TTC33: variants seen among roughly 807,000 people sequenced by gnomAD.
TTC33 encodes the protein tetratricopeptide repeat domain 33.
A neutral mutation model predicts 29.4 loss-of-function variants in TTC33; 24 were observed. The ratio of observed to expected loss-of-function variants is 0.82; its 90% CI spans 0.59 to 1.15. The LOEUF (loss-of-function observed/expected upper bound fraction) is 1.15, where lower values mean the gene tolerates loss of function less well. Ranked by LOEUF, TTC33 falls within the 50% of genes most tolerant of loss-of-function variation. TTC33 has a pLI of 0.00. For synonymous variants in TTC33, 107 were observed against 100.3 expected (o/e 1.07, Z -0.40); for missense variants, 286 against 310.4 (o/e 0.92, Z 0.59).
At position 40,727,672 on chromosome 5, in the gene TTC33, C is replaced by T. The variant is rs116037389; in HGVS notation, c.435+673G>A. Reference sequence around the variant, plus strand: ...TAATCTATCAGCGGTTTTGTCTCCACAGTGATACTAATACCACTTTATAAT... The same window carrying T: ...TAATCTATCAGCGGTTTTGTCTCCATAGTGATACTAATACCACTTTATAAT... On this transcript the variant is annotated intron_variant, in intron 4 of 4. Transcript: ENST00000337702. Among the ~76,000 whole-genome samples, 474 of 152,300 alleles carry T rather than the reference C, an allele frequency of 3.1e-3. 5 individuals are homozygous for T. Among genetic ancestry groups the T allele is most frequent in the African/African-American group, 0.011 (448 of 41,558 alleles).
At chr5:40,730,223 CA>C (rs765624558) in intron 3 of TTC33, 38 bp downstream of exon 3, 1 of 1,507,016 alleles carries the variant, frequency 6.6e-7, no homozygotes, top group Non-Finnish European at 9.2e-7. Flanking sequence ...AAACATAGCA[CA>C]ATTTCATAAG....
intron 4 of TTC33, among the ~76,000 whole-genome samples, chr5:40,724,476 T>C (rs1464729596): frequency 2.0e-5 from 3 of 151,562 alleles, no homozygotes; most frequent in African/African-American, 4.9e-5. Context: ...CTACTAAAAT[T>C]ACAAAAATTA....
intron 1 of TTC33, among the ~76,000 whole-genome samples, chr5:40,748,713 G>C (rs1418674119): frequency 2.6e-5 from 4 of 152,210 alleles, no homozygotes; most frequent in African/African-American, 9.7e-5. Context: ...GAAGTTGAAT[G>C]ATGAGTACAT....
chr5:40,729,651 A>T (rs1336883797), intron 3 of TTC33, among the ~76,000 whole-genome samples: 1 of 152,188 alleles, frequency 6.6e-6, no homozygotes, highest in Non-Finnish European at 1.5e-5. Context: ...AGGAAAGCGT[A>T]TGTTTTTCAT....
chr5:40,719,255 T>A lies in TTC33; in HGVS notation c.436-2757A>T, dbSNP rs963618033. ...AACCCCAGCTCTAGGCAAGCATTAATTTACTTGCTATTGCTATATATCTGT... is the reference window on the plus strand; with the variant it reads ...AACCCCAGCTCTAGGCAAGCATTAAATTACTTGCTATTGCTATATATCTGT... On this transcript the variant is annotated intron_variant, in intron 4 of 4. Transcript: ENST00000337702. Among the ~76,000 whole-genome samples, 3 of 152,204 alleles carry A rather than the reference T, an allele frequency of 2.0e-5. No individual in the cohort carries two copies. The South Asian group carries it at 6.2e-4, about 31-fold the overall frequency.
In TTC33 at chr5:40,716,294, C is replaced by G. The variant is rs1741996871; in HGVS notation, c.640G>C (p.Val214Leu). Reference sequence around the variant, plus strand: ...TCTTTCTCAGCAATAGCTGCACAAACAGCAACAATCTCATCACTTTCAAAG... The same window carrying G: ...TCTTTCTCAGCAATAGCTGCACAAAGAGCAACAATCTCATCACTTTCAAAG... ...YDFESDEIVA[V>L]CAAIAEKEKT... Residue 214 changes from valine (V) to leucine (L), a missense_variant, in exon 5 of 5, where the codon GTT becomes CTT. Physicochemically the swap from Val to Leu is conservative, Grantham distance 32. Coordinates refer to ENST00000337702, the MANE Select transcript of TTC33 (RefSeq NM_012382.3). 6.2e-7 allele frequency: 1 copy of G among 1,614,196 alleles called. No individual in the cohort carries two copies. The highest frequency in any genetic ancestry group is 8.5e-7 in the Non-Finnish European group (1 of 1,180,038).
At chr5:40,729,119 G>A (rs1470193231) in intron 3 of TTC33, among the ~76,000 whole-genome samples, 1 of 152,092 alleles carries the variant, frequency 6.6e-6, no homozygotes, top group African/African-American at 2.4e-5. Context: ...TTATTATCAG[G>A]TTCCAAATTA....
chr5:40,740,401 T>C lies in TTC33; in HGVS notation c.221+6397A>G, dbSNP rs548333672. Among the ~76,000 whole-genome samples, 9 of 152,178 alleles carry C rather than the reference T, an allele frequency of 5.9e-5. No homozygotes were observed. In the South Asian group the frequency reaches 8.3e-4, roughly 14 times the overall value. On this transcript the variant is annotated intron_variant, in intron 2 of 4. Coordinates refer to ENST00000337702, the MANE Select transcript of TTC33 (RefSeq NM_012382.3). ...TTATTTTGCCTTCATTTCTGAAAGA[T>C]ATTTTTATAATACAAAGAATTCTAA...
At chr5:40,725,067 A>C (rs968020773) in intron 4 of TTC33, among the ~76,000 whole-genome samples, 16 of 151,790 alleles carry the variant, frequency 1.1e-4, no homozygotes, top group African/African-American at 3.4e-4. Flanking sequence ...GGCTGGTCTC[A>C]AAACTCCTGA....
intron 4 of TTC33, among the ~76,000 whole-genome samples, chr5:40,724,229 T>C (rs1246960526): frequency 1.3e-5 from 2 of 152,200 alleles, no homozygotes; most frequent in Non-Finnish European, 2.9e-5. Context: ...ACAACATGGA[T>C]GGGACTTTGA....
chr5:40,754,452 TA>T (rs1742949363), intron 1 of TTC33, among the ~76,000 whole-genome samples: 1 of 151,886 alleles, frequency 6.6e-6, no homozygotes. Context: ...CTGCTCAAAG[TA>T]AAAGGAAAAT....
chr5:40,719,832 A>G (rs770919938), intron 4 of TTC33, among the ~76,000 whole-genome samples: 7 of 152,304 alleles, frequency 4.6e-5, no homozygotes, highest in Non-Finnish European at 8.8e-5. Context: ...CTGTGTGTGT[A>G]TCTTCTTTGG....
At chr5:40,724,328 AT>A (rs1317435624) in intron 4 of TTC33, among the ~76,000 whole-genome samples, 3 of 152,152 alleles carry the variant, frequency 2.0e-5, no homozygotes, top group Non-Finnish European at 4.4e-5. Flanking sequence ...AGGCAAATTC[AT>A]AGACTCAAAA....
At chr5:40,726,328 T>G (rs1252257504) in intron 4 of TTC33, among the ~76,000 whole-genome samples, 1 of 151,872 alleles carries the variant, frequency 6.6e-6, no homozygotes, top group African/African-American at 2.4e-5. Flanking sequence ...TTACTGCCTG[T>G]GCTATTTACA....
rs1213390513 is a variant in TTC33, at chr5:40,715,606, A to G, written c.*539T>C. 1 of 152,392 alleles carries G rather than the reference A, an allele frequency of 6.6e-6. No homozygotes were observed. The highest frequency in any genetic ancestry group is 2.4e-5 in the African/African-American group (1 of 41,470). The allele number at this position is 152,392 out of a possible 1,614,324, so 9.4% of individuals were successfully genotyped here. ...GTTCAGAATGTACACATTTGTGTGC[A>G]TTTTCAGCCAAACTTTCAAAGATTC... On this transcript the variant is annotated 3_prime_UTR_variant, in exon 5 of 5. Coordinates refer to ENST00000337702, the MANE Select transcript of TTC33 (RefSeq NM_012382.3).
intron 2 of TTC33, among the ~76,000 whole-genome samples, chr5:40,746,092 G>T (rs1363280464): frequency 6.6e-6 from 1 of 152,038 alleles, no homozygotes; most frequent in African/African-American, 2.4e-5. Flanking sequence ...TTTTCCTCTA[G>T]GTAGTAATCC....
intron 1 of TTC33, among the ~76,000 whole-genome samples, chr5:40,749,808 TG>T (rs1742860433): frequency 6.6e-6 from 1 of 152,178 alleles, no homozygotes; most frequent in Non-Finnish European, 1.5e-5. Context: ...GTACATGCCT[TG>T]CTAGGTGCAG....
rs1002173206 is a variant in TTC33 at position 40,754,468 on chromosome 5, G to C, written c.-2+1356C>G. Among the ~76,000 whole-genome samples, 37 of 152,126 alleles carry C rather than the reference G, an allele frequency of 2.4e-4. 1 individual carries two copies. Among genetic ancestry groups the C allele is most frequent in the African/African-American group, 8.9e-4 (37 of 41,418 alleles). ...TGCTCAAAGTAAAAGGAAAATAACA[G>C]ATCTGAGTTCTTGAGAAAAAGGGAA... On this transcript the variant is annotated intron_variant, in intron 1 of 4. Coordinates refer to ENST00000337702, the MANE Select transcript of TTC33 (RefSeq NM_012382.3).
rs373596714 is a variant in TTC33 at position 40,715,927 on chromosome 5, C to T, written c.*218G>A. 8 of 426,698 alleles carry T rather than the reference C, an allele frequency of 1.9e-5. No individual in the cohort carries two copies. The East Asian group carries it at 2.1e-4, about 11-fold the overall frequency. 26.4% of individuals were successfully genotyped at this position (426,698 alleles called of 1,614,324 possible). On this transcript the variant is annotated 3_prime_UTR_variant, in exon 5 of 5. Transcript: ENST00000337702. ...AGTTTATTAATCAAAGACCATTTTACTCAGAATTTTAACCTTGAGAAATAT... is the reference window on the plus strand; with the variant it reads ...AGTTTATTAATCAAAGACCATTTTATTCAGAATTTTAACCTTGAGAAATAT...
Sources: gnomAD v4.1 joint callset for allele counts (sites outside exome capture counted in the v4.1 genomes callset) on GRCh38, gnomAD v4.1.1 for gene constraint, MANE v1.5 for transcripts, NCBI Gene and HGNC (gene_info 2026-07-23, HGNC 2026-07-21) for gene names.